UGT1A8: variants seen among roughly 807,000 people sequenced by gnomAD.
The protein encoded by UGT1A8 is UDP glucuronosyltransferase family 1 member A8.
UGT1A8 carries 39 observed loss-of-function variants against 45.3 expected under a neutral mutation model. That is an observed-to-expected ratio of 0.86 (90% CI 0.67 to 1.12). UGT1A8 has a LOEUF of 1.12. Ranked by LOEUF, UGT1A8 falls within the 50% of genes most tolerant of loss-of-function variation. UGT1A8 has a pLI of 0.00. For synonymous variants in UGT1A8, 275 were observed against 249.2 expected (o/e 1.10, Z -0.97); for missense variants, 719 against 664.9 (o/e 1.08, Z -0.90).
At chr2:233,739,019 A>G (rs1003035720) in intron 1 of UGT1A8, 4 of 152,282 alleles carry the variant, frequency 2.6e-5, no homozygotes, top group African/African-American at 7.2e-5. Flanking sequence ...GGCTCCAGCC[A>G]TGGCTAAAAG....
intron 1 of UGT1A8, chr2:233,648,544 T>C (rs2073660892): frequency 5.8e-6 from 1 of 171,404 alleles, no homozygotes; most frequent in Non-Finnish European, 1.2e-5. Flanking sequence ...CACTGCAAAC[T>C]GCACCTCCCG....
In UGT1A8 at chr2:233,683,386, T is replaced by C. The variant is rs1016701211; in HGVS notation, c.855+64824T>C. Among the ~76,000 whole-genome samples, 8 of 152,198 alleles carry C rather than the reference T, an allele frequency of 5.3e-5. No individual in the cohort carries two copies. The South Asian group carries it at 8.3e-4, about 16-fold the overall frequency. Reference sequence around the variant, plus strand: ...AATGTAGTTTTCCAACCAATTAAGATTGATAGAGATTTAAGTGTTTTCCAC... The same window carrying C: ...AATGTAGTTTTCCAACCAATTAAGACTGATAGAGATTTAAGTGTTTTCCAC... On this transcript the variant is annotated intron_variant, in intron 1 of 4. Coordinates refer to ENST00000373450, the MANE Select transcript of UGT1A8 (RefSeq NM_019076.5).
intron 1 of UGT1A8, among the ~76,000 whole-genome samples, chr2:233,737,610 G>A (rs2078901280): frequency 6.6e-6 from 1 of 152,172 alleles, no homozygotes; most frequent in South Asian, 2.1e-4. Context: ...ACCTCAGTTG[G>A]AAATGCAGAA....
chr2:233,749,047 T>C (rs561305390), intron 1 of UGT1A8, among the ~76,000 whole-genome samples: 1 of 151,806 alleles, frequency 6.6e-6, no homozygotes, highest in Non-Finnish European at 1.5e-5. Flanking sequence ...TGTGGTACTC[T>C]GGGACCTGAA....
At chr2:233,749,889 C>G (rs1694294053) in intron 1 of UGT1A8, among the ~76,000 whole-genome samples, 1 of 151,896 alleles carries the variant, frequency 6.6e-6, no homozygotes. Context: ...TCCTGAGGCT[C>G]CCCCCTCCAG....
At chr2:233,748,198 C>T (rs1478971867) in intron 1 of UGT1A8, 15 of 1,535,826 alleles carry the variant, frequency 9.8e-6, no homozygotes, top group Non-Finnish European at 1.1e-5. Flanking sequence ...TTCTGCTTGT[C>T]GTAATAGCCT....
intron 1 of UGT1A8, among the ~76,000 whole-genome samples, chr2:233,739,970 G>A (rs887253377): frequency 6.6e-5 from 10 of 151,810 alleles, no homozygotes; most frequent in Admixed American, 4.6e-4. Flanking sequence ...GAATCATATC[G>A]GCAGTTTTCC....
At chr2:233,747,695 G>C in intron 1 of UGT1A8, 1 of 1,611,470 alleles carries the variant, frequency 6.2e-7, no homozygotes, top group Non-Finnish European at 8.5e-7. Flanking sequence ...GGGCAGTGCT[G>C]GCTAAGTACC....
At chr2:233,716,104 T>A (rs1411406439) in intron 1 of UGT1A8, among the ~76,000 whole-genome samples, 1 of 152,220 alleles carries the variant, frequency 6.6e-6, no homozygotes, top group Non-Finnish European at 1.5e-5. Flanking sequence ...TAACAGAAAT[T>A]TAGTTTTTCC....
intron 1 of UGT1A8, among the ~76,000 whole-genome samples, chr2:233,644,237 G>A (rs892380773): frequency 1.3e-5 from 2 of 152,156 alleles, no homozygotes; most frequent in African/African-American, 4.8e-5. Flanking sequence ...TCAGACCTCT[G>A]AGATCAGCAA....
At chr2:233,724,141 C>A in intron 1 of UGT1A8, among the ~76,000 whole-genome samples, 1 of 115,194 alleles carries the variant, frequency 8.7e-6, no homozygotes, top group African/African-American at 4.0e-5. Context: ...CCGGACGGGG[C>A]GGCTGGCCGG....
At chr2:233,662,221 T>TAAAATAA in intron 1 of UGT1A8, among the ~76,000 whole-genome samples, 1 of 152,228 alleles carries the variant, frequency 6.6e-6, no homozygotes, top group Admixed American at 6.5e-5. Context: ...AAAATAGATT[T>TAAAATAA]GTGTCTATAA....
intron 1 of UGT1A8, among the ~76,000 whole-genome samples, chr2:233,745,604 G>A (rs908621602): frequency 6.6e-6 from 1 of 151,572 alleles, no homozygotes; most frequent in African/African-American, 2.4e-5. Flanking sequence ...TTGGCACTTG[G>A]TAAGCACACA....
chr2:233,769,773 T>C lies in UGT1A8; in HGVS notation c.1295+1334T>C. 4 of 1,392,024 alleles carry C rather than the reference T, an allele frequency of 2.9e-6. No individual in the cohort carries two copies. Among genetic ancestry groups the C allele is most frequent in the Non-Finnish European group, 2.8e-6 (3 of 1,065,432 alleles). 86.2% of individuals were successfully genotyped at this position (1,392,024 alleles called of 1,614,324 possible). A position where few individuals can be genotyped will look rare whatever the true frequency, so the allele number is the denominator to read the frequency against. ...TGGAGGCTAAGGCGGGAGGATTGCTTGAGCCCAGAAGTTGGAGGCTGCTAT... is the reference window on the plus strand; with the variant it reads ...TGGAGGCTAAGGCGGGAGGATTGCTCGAGCCCAGAAGTTGGAGGCTGCTAT... On this transcript the variant is annotated intron_variant, in intron 4 of 4. Transcript: ENST00000373450. This position sits in a 1 kb window ranked among gnomAD's most constrained non-coding sequence, Gnocchi z 4.4.
In UGT1A8 at chr2:233,772,530, A is replaced by G; in HGVS notation, c.1564A>G (p.Lys522Glu). The change falls in exon 5 of 5, where the codon AAG becomes GAG. Residue 522 changes from lysine (K) to glutamate (E), a missense_variant. By Grantham distance (56) the Lys-to-Glu change is moderately conservative (BLOSUM62 1). Transcript: ENST00000373450. ...ATGCTTGGGGAAAAAAGGGCGAGTT[A>G]AGAAAGCCCACAAATCCAAGACCCA... ...RKCLGKKGRVKKAHKSKTH is the reference protein window; with the variant it reads ...RKCLGKKGRVEKAHKSKTH 6.2e-7 allele frequency: 1 copy of G among 1,614,200 alleles called. No individual in the cohort carries two copies. The highest frequency in any genetic ancestry group is 2.2e-5 in the East Asian group (1 of 44,884).
chr2:233,704,568 T>C (rs765343454), intron 1 of UGT1A8, among the ~76,000 whole-genome samples: 2 of 152,150 alleles, frequency 1.3e-5, no homozygotes, highest in Non-Finnish European at 2.9e-5. Flanking sequence ...TAAATACACA[T>C]GCTTTCAAGA....
rs545178357 is a variant in UGT1A8 at position 233,762,901 on chromosome 2, A to C, written c.856-4133A>C. ...TCTTATAAATTCCATGCCAAATATC[A>C]GGGCTATTGAATTTATTAGAATCTC... On this transcript the variant is annotated intron_variant, in intron 1 of 4. Coordinates refer to ENST00000373450, the MANE Select transcript of UGT1A8 (RefSeq NM_019076.5). Among the ~76,000 whole-genome samples the C allele has an allele frequency of 3.3e-5, 5 of 152,312 alleles. No homozygotes were observed. In the South Asian group the frequency reaches 1.0e-3, roughly 32 times the overall value.
chr2:233,664,735 A>G (rs566817851), intron 1 of UGT1A8, among the ~76,000 whole-genome samples: 1 of 152,230 alleles, frequency 6.6e-6, no homozygotes, highest in African/African-American at 2.4e-5. Context: ...ACCAGGCCCC[A>G]CCTCCAACAT....
chr2:233,696,295 C>T (rs1346602258), intron 1 of UGT1A8, among the ~76,000 whole-genome samples: 7 of 152,172 alleles, frequency 4.6e-5, no homozygotes, highest in African/African-American at 1.2e-4. Flanking sequence ...ACTGTAATAT[C>T]GTGAAATATA....
Sources: gnomAD v4.1 joint callset for allele counts (sites outside exome capture counted in the v4.1 genomes callset) on GRCh38, gnomAD v4.1.1 for gene constraint, Gnocchi (gnomAD v3.1) non-coding constraint, MANE v1.5 for transcripts, NCBI Gene and HGNC (gene_info 2026-07-23, HGNC 2026-07-21) for gene names.